GOLGA4: variants seen among roughly 807,000 people sequenced by gnomAD.
GOLGA4 encodes the protein golgin subfamily A member 4.
A neutral mutation model predicts 265.9 loss-of-function variants in GOLGA4; 169 were observed. The ratio of observed to expected loss-of-function variants is 0.64; its 90% CI spans 0.56 to 0.72. The LOEUF is 0.72. Among genes scored for constraint, GOLGA4 ranks in the 30% least tolerant of loss-of-function variants. The pLI, the probability that GOLGA4 is intolerant of heterozygous loss-of-function variation, is 0.00. For missense variants in GOLGA4, 2,482 were observed against 2,483.4 expected (o/e 1.00, Z 0.01); for synonymous variants, 923 against 855.8 (o/e 1.08, Z -1.37).
At chr3:37,265,667 A>T (rs1226285430) in intron 2 of GOLGA4, among the ~76,000 whole-genome samples, 1 of 152,190 alleles carries the variant, frequency 6.6e-6, no homozygotes, top group African/African-American at 2.4e-5. Flanking sequence ...CCATAGACAT[A>T]TCTATTACCT....
At chr3:37,315,740 T>G in intron 11 of GOLGA4, 142 bp downstream of exon 11, 5 of 734,104 alleles carry the variant, frequency 6.8e-6, no homozygotes, top group Non-Finnish European at 1.1e-5. Context: ...GTAAAATTTT[T>G]GATAGATAAA....
intron 3 of GOLGA4, 73 bp from the exon 4 acceptor site, chr3:37,285,941 G>C: frequency 1.1e-6 from 1 of 884,158 alleles, no homozygotes; most frequent in Non-Finnish European, 1.8e-6. Context: ...TTCATAAAGA[G>C]AATTTTTTAG....
chr3:37,287,254 T>C (rs1487219807), intron 4 of GOLGA4, among the ~76,000 whole-genome samples: 3 of 152,084 alleles, frequency 2.0e-5, no homozygotes, highest in Non-Finnish European at 2.9e-5. Context: ...GGCAGGAGAA[T>C]TGCTTGAACC....
At chr3:37,328,316 A>G (rs2096979033) in intron 14 of GOLGA4, 100 bp from the exon 15 acceptor site, 2 of 1,136,780 alleles carry the variant, frequency 1.8e-6, no homozygotes, top group Non-Finnish European at 1.3e-6. Flanking sequence ...ATGTTTTCAT[A>G]CAATGAACTC....
At chr3:37,365,448 A>T (rs1252681267) in intron 23 of GOLGA4, among the ~76,000 whole-genome samples, 1 of 151,874 alleles carries the variant, frequency 6.6e-6, no homozygotes, top group Non-Finnish European at 1.5e-5. Flanking sequence ...TTGTATTTTT[A>T]GTAGAGACAG....
chr3:37,244,603 C>A (rs997704717), intron 1 of GOLGA4, among the ~76,000 whole-genome samples: 1 of 152,110 alleles, frequency 6.6e-6, no homozygotes, highest in Non-Finnish European at 1.5e-5. Context: ...TCTTTGCTTG[C>A]GGTTGCAAGA....
Position 37,327,769 on chromosome 3 carries a change from G to A in GOLGA4, c.5883G>A (p.Gln1961=). The change falls in exon 14 of 24, where the codon CAG becomes CAA. Residue 1961 remains glutamine, a synonymous_variant. Coordinates refer to ENST00000361924, the MANE Select transcript of GOLGA4 (RefSeq NM_002078.5). ...TTCGAATGTTGAGAAAGGAGCATCA[G>A]CAAGAATTGGAAATACTAAAGAAAG... ...KDLRMLRKEH[Q]QELEILKKEY... The A allele has an allele frequency of 1.2e-6, 2 of 1,612,274 alleles. No homozygotes were observed. The highest frequency in any genetic ancestry group is 2.2e-5 in the East Asian group (1 of 44,868).
At chr3:37,346,285 GCTGCT>G (rs1380722297) in intron 20 of GOLGA4, among the ~76,000 whole-genome samples, 2 of 152,196 alleles carry the variant, frequency 1.3e-5, no homozygotes, top group Non-Finnish European at 1.5e-5. Context: ...GGCTTCTTGT[GCTGCT>G]CTGTAGTCCT....
chr3:37,285,083 C>T (rs1477912280), intron 3 of GOLGA4, among the ~76,000 whole-genome samples: 1 of 151,842 alleles, frequency 6.6e-6, no homozygotes, highest in East Asian at 1.9e-4. Context: ...TGCAGCTTAT[C>T]TCTTTAGCAC....
intron 3 of GOLGA4, among the ~76,000 whole-genome samples, chr3:37,283,734 C>G (rs1463307585): frequency 1.3e-5 from 2 of 152,080 alleles, no homozygotes; most frequent in African/African-American, 4.8e-5. Flanking sequence ...GCTATGTTGC[C>G]CAGCCTGGTC....
At chr3:37,334,117 G>T (rs770608320) in intron 16 of GOLGA4, among the ~76,000 whole-genome samples, 2 of 152,136 alleles carry the variant, frequency 1.3e-5, no homozygotes, top group Non-Finnish European at 2.9e-5. Context: ...TAAGAATAAA[G>T]AGAAGTCTGG....
intron 11 of GOLGA4, among the ~76,000 whole-genome samples, chr3:37,317,326 C>T (rs542301233): frequency 1.6e-4 from 25 of 152,116 alleles, no homozygotes; most frequent in Middle Eastern, 3.4e-3. Flanking sequence ...TGTGCCATCA[C>T]GCCTGGCTAG....
At chr3:37,330,516 A>C (rs1275697526) in intron 16 of GOLGA4, among the ~76,000 whole-genome samples, 1 of 152,186 alleles carries the variant, frequency 6.6e-6, no homozygotes. Flanking sequence ...TTTAGGTAGA[A>C]GGGTGAGGGA....
intron 13 of GOLGA4, 35 bp from the exon 14 acceptor site, chr3:37,323,553 A>G (rs763414003): frequency 7.5e-7 from 1 of 1,327,610 alleles, no homozygotes; most frequent in Non-Finnish European, 1.0e-6. Context: ...ACAAGTACGT[A>G]CTTTAATAAA....
At chr3:37,257,706 G>A (rs1055589873) in intron 2 of GOLGA4, among the ~76,000 whole-genome samples, 3 of 151,122 alleles carry the variant, frequency 2.0e-5, no homozygotes, top group Non-Finnish European at 4.4e-5. Context: ...AATTTATGAA[G>A]GAAGGATTGA....
At position 37,324,905 on chromosome 3, in the gene GOLGA4, G is replaced by T; in HGVS notation, c.3019G>T (p.Ala1007Ser). The T allele has an allele frequency of 6.2e-7, 1 of 1,606,660 alleles. No individual in the cohort carries two copies. The highest frequency in any genetic ancestry group is 1.1e-5 in the South Asian group (1 of 89,378). Reference sequence around the variant, plus strand: ...GTTTAATGCCAAAATGCTGGAAATGGCACAGGCTAACTCAGCTGGAATCAG... The same window carrying T: ...GTTTAATGCCAAAATGCTGGAAATGTCACAGGCTAACTCAGCTGGAATCAG... ...KQFNAKMLEM[A>S]QANSAGISDA... The change falls in exon 14 of 24, where the codon GCA becomes TCA. Residue 1007 changes from alanine to serine, a missense_variant. This residue lies in a region of GOLGA4 where 1,536 missense variants were observed against 1,483.7 expected (regional missense o/e 1.04). Transcript: ENST00000361924.
chr3:37,258,520 G>A (rs1225138412), intron 2 of GOLGA4, among the ~76,000 whole-genome samples: 1 of 151,672 alleles, frequency 6.6e-6, no homozygotes, highest in African/African-American at 2.4e-5. Flanking sequence ...TAGAGATGAG[G>A]TTTCACCATG....
At position 37,325,646 on chromosome 3, in the gene GOLGA4, C is replaced by A; in HGVS notation, c.3760C>A (p.Gln1254Lys). 1.2e-6 allele frequency: 2 copies of A among 1,613,830 alleles called. No individual in the cohort carries two copies. The highest frequency in any genetic ancestry group is 2.2e-5 in the South Asian group (2 of 91,044). The change falls in exon 14 of 24, where the codon CAG becomes AAG. Residue 1254 changes from glutamine to lysine, a missense_variant. Gln to Lys is a moderately conservative substitution (Grantham distance 53). Coordinates refer to ENST00000361924, the MANE Select transcript of GOLGA4 (RefSeq NM_002078.5). ...CATTCTTTCTAGGATTTCTCATTGT[C>A]AGCACCGTACAACTAAAGTTAAGGA... ...NAILSRISHC[Q>K]HRTTKVKEAL...
At position 37,327,115 on chromosome 3, in the gene GOLGA4, A is replaced by C. The variant is rs141969620; in HGVS notation, c.5229A>C (p.Arg1743Ser). ...AAGAAAAAATCAGTGTTTTACAAAG[A>C]AACTTAACTGAAAAAGAAAAGCTAT... ...TYEEKISVLQ[R>S]NLTEKEKLLQ... Residue 1743 changes from arginine to serine, a missense_variant, in exon 14 of 24, where the codon AGA becomes AGC. Arg to Ser is a moderately radical substitution (Grantham distance 110). Coordinates refer to ENST00000361924, the MANE Select transcript of GOLGA4 (RefSeq NM_002078.5). 1.1e-5 allele frequency: 18 copies of C among 1,613,600 alleles called. No individual in the cohort carries two copies. The highest frequency in any genetic ancestry group is 1.7e-5 in the Admixed American group (1 of 59,922).
Sources: allele counts gnomAD v4.1 joint callset (sites outside exome capture counted in the v4.1 genomes callset), GRCh38; gene constraint gnomAD v4.1.1; regional missense constraint gnomAD v4.1.1; transcripts MANE v1.5; gene names NCBI Gene and HGNC (gene_info 2026-07-23, HGNC 2026-07-21).